NAA60: variants seen among roughly 807,000 people sequenced by gnomAD.
The protein encoded by NAA60 is N-alpha-acetyltransferase 60, NatF catalytic subunit, also known as N-alpha-acetyltransferase 60.
Under a neutral mutation model 26.1 loss-of-function variants are expected in NAA60, and 8 were observed. That is an observed-to-expected ratio of 0.31 (90% CI 0.18 to 0.55). NAA60 has a LOEUF of 0.55. Among genes scored for constraint, NAA60 ranks in the 20% least tolerant of loss-of-function variants. The probability of loss-of-function intolerance (pLI) is 0.93; values close to 1 mark genes in which losing one functional copy is unlikely to be tolerated. For missense variants in NAA60, 290 were observed against 311.3 expected, an observed-to-expected ratio of 0.93 and a Z score of 0.51; for synonymous variants, 131 against 122.5, an observed-to-expected ratio of 1.07 and a Z score of -0.46.
Position 3,479,602 on chromosome 16 carries a change from T to TA in NAA60, c.240+3dup, listed in dbSNP as rs2036696363. On this transcript the variant is annotated splice_region_variant and intron_variant, in intron 4 of 7. Coordinates refer to ENST00000407558, the MANE Select transcript of NAA60 (RefSeq NM_001083601.3). ...AACAGGACCAAAATACATAAAGAGG[T>TA]ACGTACGTGTGTGCAGTGAGGACTT... The TA allele has an allele frequency of 1.9e-6, 3 of 1,613,846 alleles. No individual in the cohort carries two copies. Among genetic ancestry groups the TA allele is most frequent in the South Asian group, 2.2e-5 (2 of 91,062 alleles).
At chr16:3,457,043 C>T (rs180852255) in intron 2 of NAA60, 4 of 152,334 alleles carry the variant, frequency 2.6e-5, no homozygotes, top group East Asian at 3.9e-4. Flanking sequence ...CCACCCACCT[C>T]GGCCTCCGGA....
At chr16:3,464,424 G>C (rs924374611) in intron 2 of NAA60, among the ~76,000 whole-genome samples, 3 of 152,192 alleles carry the variant, frequency 2.0e-5, no homozygotes, top group African/African-American at 7.2e-5. Context: ...GAGGGAAAGG[G>C]AAGAAGCCAG....
intron 4 of NAA60, among the ~76,000 whole-genome samples, chr16:3,480,776 C>T (rs2036781757): frequency 1.3e-5 from 2 of 152,090 alleles, no homozygotes; most frequent in Admixed American, 6.6e-5. Flanking sequence ...CATGATGGCG[C>T]TTGCCTTTAA....
chr16:3,458,274 G>A (rs932619980), intron 2 of NAA60: 89 of 829,588 alleles, frequency 1.1e-4, no homozygotes, highest in Non-Finnish European at 1.1e-4. Flanking sequence ...GGGTCAGGGG[G>A]GCCAGCGCCC....
At chr16:3,472,000 C>G (rs1296602242) in intron 2 of NAA60, among the ~76,000 whole-genome samples, 1 of 152,126 alleles carries the variant, frequency 6.6e-6, no homozygotes, top group Non-Finnish European at 1.5e-5. Context: ...CTGGGTTTGC[C>G]AGTTTTCTTA....
At chr16:3,484,495 C>T (rs530309170) in intron 6 of NAA60, 6 of 646,794 alleles carry the variant, frequency 9.3e-6, no homozygotes, top group South Asian at 3.9e-5. Context: ...TGTCCCCAGA[C>T]CCCACCCTCT....
intron 1 of NAA60, among the ~76,000 whole-genome samples, chr16:3,444,205 CCAGTCATTTCCTATTGTGTG>C (rs2034457505): frequency 6.6e-6 from 1 of 152,038 alleles, no homozygotes; most frequent in Admixed American, 6.6e-5. Flanking sequence ...TACCCTAGAG[CCAGTCATTTCCTATTGTGTG>C]CTGGGGGAGG....
intron 2 of NAA60, chr16:3,458,115 G>A: frequency 2.0e-6 from 2 of 985,274 alleles, no homozygotes; most frequent in Non-Finnish European, 2.4e-6. Context: ...CCACTTCCCG[G>A]CTCCCTTCGC....
chr16:3,454,681 A>G (rs937145225), intron 2 of NAA60, among the ~76,000 whole-genome samples: 1 of 152,228 alleles, frequency 6.6e-6, no homozygotes, highest in African/African-American at 2.4e-5. Flanking sequence ...AGGACCAATC[A>G]GCCCTGAAGT....
intron 2 of NAA60, among the ~76,000 whole-genome samples, chr16:3,475,937 G>T (rs563626922): frequency 1.3e-5 from 2 of 152,256 alleles, no homozygotes; most frequent in Non-Finnish European, 1.5e-5. Flanking sequence ...GGGCAGCTCA[G>T]ATGGGGAGAG....
Position 3,484,706 on chromosome 16 carries a change from A to T in NAA60, c.580A>T (p.Ile194Phe). ...TCCTTAACAGAGCCCCACGGACTAC[A>T]TCCAGCACCTGGGCTCTGCACTAGC... ...GHPPWTILDYIQHLGSALASL... is the reference protein window; with the variant it reads ...GHPPWTILDYFQHLGSALASL... The change falls in exon 7 of 8, where the codon ATC becomes TTC. Residue 194 changes from isoleucine (I) to phenylalanine (F), a missense_variant. Physicochemically the swap from Ile to Phe is conservative, Grantham distance 21. Coordinates refer to ENST00000407558, the MANE Select transcript of NAA60 (RefSeq NM_001083601.3). The T allele has an allele frequency of 6.3e-7, 1 of 1,591,946 alleles. No homozygotes were observed. Among genetic ancestry groups the T allele is most frequent in the Non-Finnish European group, 8.5e-7 (1 of 1,170,290 alleles).
rs183683452 is a variant in NAA60 at position 3,448,601 on chromosome 16, C to G, written c.-7+61C>G. 50 of 1,403,062 alleles carry G rather than the reference C, an allele frequency of 3.6e-5. No homozygotes were observed. The East Asian group carries it at 1.2e-3, about 32-fold the overall frequency. 86.9% of individuals were successfully genotyped at this position (1,403,062 alleles called of 1,614,324 possible). A position where few individuals can be genotyped will look rare whatever the true frequency, so the allele number is the denominator to read the frequency against. On this transcript the variant is annotated intron_variant, in intron 2 of 7. Coordinates refer to ENST00000407558, the MANE Select transcript of NAA60 (RefSeq NM_001083601.3). ...TGCCCTCATAGTCAGAGGAAGCCTA[C>G]TTAAGTGAAATCCATTTTTGACCTG...
chr16:3,482,946 C>T (rs987605116), intron 5 of NAA60: 11 of 479,880 alleles, frequency 2.3e-5, no homozygotes, highest in African/African-American at 1.6e-4. Context: ...GAGTAGAAAG[C>T]GTGAACACGC....
Position 3,443,747 on chromosome 16 carries a change from G to T in NAA60, c.-167G>T. ...TTTGCCTGCTGAAGTAGAGTCTTAG[G>T]GTGACCCCAGGGGGACGTAATGTTT... On this transcript the variant is annotated 5_prime_UTR_variant, in exon 1 of 8. Coordinates refer to ENST00000407558, the MANE Select transcript of NAA60 (RefSeq NM_001083601.3). 6.5e-7 allele frequency: 1 copy of T among 1,530,402 alleles called. No individual in the cohort carries two copies. Among genetic ancestry groups the T allele is most frequent in the Non-Finnish European group, 8.7e-7 (1 of 1,144,008 alleles). 94.8% of individuals were successfully genotyped at this position (1,530,402 alleles called of 1,614,324 possible). A position where few individuals can be genotyped will look rare whatever the true frequency, so the allele number is the denominator to read the frequency against.
chr16:3,481,997 C>T (rs2036866579), intron 4 of NAA60, among the ~76,000 whole-genome samples: 1 of 152,186 alleles, frequency 6.6e-6, no homozygotes, highest in African/African-American at 2.4e-5. Flanking sequence ...GCGGTGTCCT[C>T]TGCCTGTGGG....
rs181591177 is a variant in NAA60 at position 3,447,445 on chromosome 16, A to C, written c.-76-1026A>C. On this transcript the variant is annotated intron_variant, in intron 1 of 7. Transcript: ENST00000407558. Reference sequence around the variant, plus strand: ...GATGTTTAACATGATTTCCAGAATGAATTGCTCACTACGTTTGGTGTGTTT... The same window carrying C: ...GATGTTTAACATGATTTCCAGAATGCATTGCTCACTACGTTTGGTGTGTTT... The C allele has an allele frequency of 1.2e-5, 12 of 985,028 alleles. No individual in the cohort carries two copies. In the East Asian group the frequency reaches 1.4e-3, roughly 112 times the overall value. The allele number at this position is 985,028 out of a possible 1,614,324, so 61.0% of individuals were successfully genotyped here.
Position 3,448,931 on chromosome 16 carries a change from G to A in NAA60, c.-7+391G>A, listed in dbSNP as rs770887931. The A allele has an allele frequency of 3.6e-5, 6 of 167,268 alleles. No homozygotes were observed. The East Asian group carries it at 5.3e-4, about 15-fold the overall frequency. The allele number at this position is 167,268 out of a possible 1,614,324, so 10.4% of individuals were successfully genotyped here. A position where few individuals can be genotyped will look rare whatever the true frequency, so the allele number is the denominator to read the frequency against. ...CTCTGAGATTGGTCTGTGTAGCCAC[G>A]TGGTGGTCATCCTGTGCCACCTCTG... is the stretch of plus-strand genomic sequence containing the variant. On this transcript the variant is annotated intron_variant, in intron 2 of 7. Coordinates refer to ENST00000407558, the MANE Select transcript of NAA60 (RefSeq NM_001083601.3).
At chr16:3,447,851 A>G (rs2034616509) in intron 1 of NAA60, among the ~76,000 whole-genome samples, 2 of 152,220 alleles carry the variant, frequency 1.3e-5, no homozygotes, top group South Asian at 4.1e-4. Context: ...GTTGAAACTA[A>G]TAGGAGTCTT....
intron 1 of NAA60, among the ~76,000 whole-genome samples, chr16:3,448,266 C>G (rs1044697395): frequency 1.9e-5 from 2 of 102,958 alleles, no homozygotes; most frequent in African/African-American, 8.0e-5. Flanking sequence ...AGAGCAAGAC[C>G]TTGTCTCAAA....
Sources: allele counts gnomAD v4.1 joint callset (sites outside exome capture counted in the v4.1 genomes callset), GRCh38; gene constraint gnomAD v4.1.1; transcripts MANE v1.5; gene names NCBI Gene and HGNC (gene_info 2026-07-23, HGNC 2026-07-21).